Variants in LRP2 observed in about 807,000 individuals in gnomAD.
The protein encoded by LRP2 is low-density lipoprotein receptor-related protein 2.
LRP2 carries 172 observed loss-of-function variants against 531.0 expected under a neutral mutation model. The observed-to-expected ratio is 0.32, with a 90% CI of 0.29 to 0.37. The LOEUF (loss-of-function observed/expected upper bound fraction) is 0.37, where lower values mean the gene tolerates loss of function less well. LRP2 is among the 10% of genes least tolerant of loss of function. The pLI is 1.00. For missense variants in LRP2, 5,167 were observed against 5,868.3 expected (o/e 0.88, Z 3.90); for synonymous variants, 1,992 against 2,027.6 (o/e 0.98, Z 0.47).
intron 70 of LRP2, among the ~76,000 whole-genome samples, chr2:169,144,474 G>A (rs1685837013): frequency 6.9e-6 from 1 of 145,290 alleles, no homozygotes; most frequent in African/African-American, 2.6e-5. Flanking sequence ...TTCAGGGGCA[G>A]CCTCCAGACT....
chr2:169,251,024 C>T (rs1690163001), intron 19 of LRP2, among the ~76,000 whole-genome samples: 1 of 25,676 alleles, frequency 3.9e-5, no homozygotes, highest in East Asian at 1.1e-3. Context: ...GTCTTAGACT[C>T]CCACACATTA....
chr2:169,263,869 G>A (rs1690676380), intron 16 of LRP2, among the ~76,000 whole-genome samples: 2 of 151,942 alleles, frequency 1.3e-5, no homozygotes, highest in Admixed American at 1.3e-4. Context: ...ATGATAGACT[G>A]GATTAAGAAA....
chr2:169,142,779 T>C lies in LRP2; in HGVS notation c.13003A>G (p.Lys4335Glu). 6.2e-7 allele frequency: 1 copy of C among 1,614,026 alleles called. No homozygotes were observed. Among genetic ancestry groups the C allele is most frequent in the Non-Finnish European group, 8.5e-7 (1 of 1,179,920 alleles). Residue 4335 changes from lysine to glutamate, a missense_variant, in exon 71 of 79, where the codon AAA (lysine) becomes GAA (glutamate). Physicochemically the swap from Lys to Glu is moderately conservative, Grantham distance 56. Coordinates refer to ENST00000649046, the MANE Select transcript of LRP2 (RefSeq NM_004525.3). Reference protein sequence around the residue: ...RYNKSVPNLCKQICSHLCLLR... With the variant: ...RYNKSVPNLCEQICSHLCLLR... Reference sequence around the variant, plus strand: ...AGGCAGAGGTGGCTGCAGATCTGTTTGCAAAGGTTGGGCACTGGAAAGCGG... The same window carrying C: ...AGGCAGAGGTGGCTGCAGATCTGTTCGCAAAGGTTGGGCACTGGAAAGCGG...
intron 3 of LRP2, among the ~76,000 whole-genome samples, chr2:169,312,270 G>C (rs377239990): frequency 6.6e-6 from 1 of 151,962 alleles, no homozygotes; most frequent in African/African-American, 2.4e-5. Flanking sequence ...TATTTTGCTC[G>C]TTAGTTGATG....
Position 169,139,034 on chromosome 2 carries a change from A to G in LRP2, c.13388+217T>C, listed in dbSNP as rs1685622164. ...ACCAGTAGGCACAACCATTTGGACT[A>G]CAAAACACAGCTTGTCACTCAGGCT... On this transcript the variant is annotated intron_variant, in intron 74 of 78. Coordinates refer to ENST00000649046, the MANE Select transcript of LRP2 (RefSeq NM_004525.3). Among the ~76,000 whole-genome samples, 2 of 152,254 alleles carry G rather than the reference A, an allele frequency of 1.3e-5. 1 individual carries two copies. The highest frequency in any genetic ancestry group is 1.3e-4 in the Admixed American group (2 of 15,282).
intron 10 of LRP2, among the ~76,000 whole-genome samples, chr2:169,281,788 G>C (rs913161730): frequency 1.3e-5 from 2 of 151,770 alleles, no homozygotes; most frequent in African/African-American, 4.8e-5. Context: ...GTGCTGAAAT[G>C]GAAAGCTCTG....
chr2:169,174,898 G>T (rs986586400), intron 55 of LRP2, among the ~76,000 whole-genome samples: 1 of 146,000 alleles, frequency 6.8e-6, no homozygotes, highest in Non-Finnish European at 1.5e-5. Flanking sequence ...GAAACCTCTC[G>T]TTTCCTCCTC....
At chr2:169,209,339 T>A in intron 38 of LRP2, 114 bp downstream of exon 38, 1 of 943,382 alleles carries the variant, frequency 1.1e-6, no homozygotes, top group Non-Finnish European at 1.7e-6. Flanking sequence ...TAAATGGTCT[T>A]AATAATTGTC....
intron 1 of LRP2, among the ~76,000 whole-genome samples, chr2:169,342,356 A>G (rs957075262): frequency 2.0e-5 from 3 of 152,204 alleles, no homozygotes; most frequent in Non-Finnish European, 4.4e-5. Flanking sequence ...TCTTTGTTCC[A>G]TGGTGACTCT....
intron 2 of LRP2, among the ~76,000 whole-genome samples, chr2:169,319,428 TG>T (rs942117669): frequency 3.3e-5 from 5 of 152,230 alleles, no homozygotes; most frequent in African/African-American, 9.6e-5. Context: ...AGTTAAATAA[TG>T]TATGTGAAAG....
chr2:169,300,592 CT>C, intron 4 of LRP2, among the ~76,000 whole-genome samples: 1 of 152,024 alleles, frequency 6.6e-6, no homozygotes, highest in Non-Finnish European at 1.5e-5. Flanking sequence ...TAAGAGGGAT[CT>C]TAGGATCTTT....
At chr2:169,197,148 C>A in intron 45 of LRP2, 118 bp from the exon 46 acceptor site, 2 of 1,240,710 alleles carry the variant, frequency 1.6e-6, no homozygotes, top group Non-Finnish European at 2.3e-6. Context: ...GAAGACTGAG[C>A]CTGGAAAATG....
intron 1 of LRP2, among the ~76,000 whole-genome samples, chr2:169,350,611 T>G (rs962521208): frequency 1.3e-5 from 2 of 150,722 alleles, no homozygotes; most frequent in African/African-American, 4.9e-5. Context: ...TAATCCCAGT[T>G]TACTTGGGAG....
At chr2:169,255,223 A>G (rs1242392614) in intron 19 of LRP2, among the ~76,000 whole-genome samples, 1 of 152,142 alleles carries the variant, frequency 6.6e-6, no homozygotes, top group Non-Finnish European at 1.5e-5. Flanking sequence ...TGGTTTGTCA[A>G]ACAGACCCAG....
chr2:169,330,852 T>TAA lies in LRP2; in HGVS notation c.80-9970_80-9969dup, dbSNP rs398042794. The stretch of plus-strand genomic sequence containing the variant: ...CTTAGCCCACATGAAAGAGATCATC[T>TAA]AAAAAAAAAAAACATAATACATTCT... On this transcript the variant is annotated intron_variant, in intron 1 of 78. Coordinates refer to ENST00000649046, the MANE Select transcript of LRP2 (RefSeq NM_004525.3). 2.7e-3 allele frequency among the ~76,000 whole-genome samples: 384 copies of TAA among 143,898 alleles called. 1 individual carries two copies. Among genetic ancestry groups the TAA allele is most frequent in the African/African-American group, 9.5e-3 (375 of 39,374 alleles). The allele number at this position is 143,898 out of a possible 152,430, so 94.4% of individuals were successfully genotyped here.
intron 43 of LRP2, among the ~76,000 whole-genome samples, chr2:169,202,463 A>G (rs1323442035): frequency 6.6e-6 from 1 of 152,208 alleles, no homozygotes; most frequent in Non-Finnish European, 1.5e-5. Context: ...GAACCCTAGT[A>G]GTAGCTCCAT....
chr2:169,246,675 AG>A, intron 21 of LRP2, 29 bp downstream of exon 21: 1 of 1,613,454 alleles, frequency 6.2e-7, no homozygotes, highest in Non-Finnish European at 8.5e-7. Context: ...TATTCATCCC[AG>A]GAAATATCGC....
intron 48 of LRP2, among the ~76,000 whole-genome samples, chr2:169,189,572 C>T (rs1687758791): frequency 6.6e-6 from 1 of 152,166 alleles, no homozygotes; most frequent in Non-Finnish European, 1.5e-5. Context: ...ACCAAATTGT[C>T]ACCCCTCAGT....
At chr2:169,186,755 TGA>T (rs1687649043) in intron 49 of LRP2, among the ~76,000 whole-genome samples, 1 of 152,154 alleles carries the variant, frequency 6.6e-6, no homozygotes, top group Admixed American at 6.5e-5. Context: ...GTTGTAAGAG[TGA>T]ATGTTTCATA....
Sources: gnomAD v4.1 joint callset for allele counts (sites outside exome capture counted in the v4.1 genomes callset) on GRCh38, gnomAD v4.1.1 for gene constraint, MANE v1.5 for transcripts, NCBI Gene and HGNC (gene_info 2026-07-23, HGNC 2026-07-21) for gene names.